Variants in RGS7 observed in about 807,000 individuals in gnomAD.
RGS7 encodes the protein regulator of G protein signaling 7.
RGS7 carries 27 observed loss-of-function variants against 81.1 expected under a neutral mutation model. The observed-to-expected ratio is 0.33, with a 90% CI of 0.25 to 0.46. The LOEUF (loss-of-function observed/expected upper bound fraction) is 0.46, where lower values mean the gene tolerates loss of function less well. Ranked by LOEUF, RGS7 falls within the 20% of genes least tolerant of loss-of-function variation. The probability of loss-of-function intolerance (pLI) is 1.00; values close to 1 mark genes in which losing one functional copy is unlikely to be tolerated. For synonymous variants in RGS7, 208 were observed against 207.7 expected (o/e 1.00, Z -0.01); for missense variants, 396 against 607.4 (o/e 0.65, Z 3.66).
chr1:241,173,802 A>G (rs1180092862), intron 2 of RGS7, among the ~76,000 whole-genome samples: 1 of 152,116 alleles, frequency 6.6e-6, no homozygotes, highest in African/African-American at 2.4e-5. Context: ...TAAAAAGAAA[A>G]TTACTAACCT....
At position 240,812,042 on chromosome 1, in the gene RGS7, T is replaced by C; in HGVS notation, c.958A>G (p.Lys320Glu). 6.2e-7 allele frequency: 1 copy of C among 1,614,194 alleles called. No individual in the cohort carries two copies. Among genetic ancestry groups the C allele is most frequent in the Non-Finnish European group, 8.5e-7 (1 of 1,180,034 alleles). Residue 320 changes from lysine (K) to glutamate (E), a missense_variant and splice_region_variant, in exon 14 of 19, where the codon AAA (lysine) becomes GAA (glutamate). Transcript: ENST00000440928. Reference protein sequence around the residue: ...DTTFWELEASKEPSQQRVKRW... With the variant: ...DTTFWELEASEEPSQQRVKRW... ...TTTACCCTCTGCTGGCTCGGTTCTTTGCTATAGAAGATAAAACAAAGGCAA... is the reference window on the plus strand; with the variant it reads ...TTTACCCTCTGCTGGCTCGGTTCTTCGCTATAGAAGATAAAACAAAGGCAA...
intron 2 of RGS7, among the ~76,000 whole-genome samples, chr1:241,148,051 CTTTTTTTT>C (rs58632066): frequency 9.2e-6 from 1 of 108,494 alleles, no homozygotes; most frequent in Admixed American, 1.1e-4. Context: ...TTTTCTTTTT[CTTTTTTTT>C]TTTTTTTTTT....
intron 4 of RGS7, 87 bp downstream of exon 4, chr1:240,982,992 C>A (rs1210179301): frequency 9.6e-6 from 7 of 732,840 alleles, no homozygotes; most frequent in Non-Finnish European, 1.7e-5. Flanking sequence ...GGTTTGCTTG[C>A]GTGCCATATT....
chr1:240,823,274 C>A, intron 10 of RGS7: 1 of 634,472 alleles, frequency 1.6e-6, no homozygotes, highest in Non-Finnish European at 2.9e-6. Context: ...TCTCCACTTC[C>A]GACACTGGCC....
chr1:241,182,287 C>A (rs1006134374), intron 2 of RGS7, among the ~76,000 whole-genome samples: 1 of 152,128 alleles, frequency 6.6e-6, no homozygotes. Context: ...ACAAAGCATG[C>A]CCCATAGGAC....
At chr1:241,249,519 G>A (rs963250008) in intron 2 of RGS7, among the ~76,000 whole-genome samples, 6 of 152,076 alleles carry the variant, frequency 3.9e-5, no homozygotes, top group East Asian at 1.9e-4. Context: ...TAACTTTGAC[G>A]TCTGTTTTCA....
chr1:241,354,483 T>G (rs1350398955), intron 2 of RGS7, among the ~76,000 whole-genome samples: 1 of 152,222 alleles, frequency 6.6e-6, no homozygotes, highest in Non-Finnish European at 1.5e-5. Flanking sequence ...TCGCCCAGGC[T>G]AGAGAATAAA....
intron 3 of RGS7, among the ~76,000 whole-genome samples, chr1:241,039,355 G>A (rs1420600308): frequency 4.6e-5 from 7 of 152,164 alleles, no homozygotes; most frequent in Admixed American, 3.3e-4. Flanking sequence ...ACCACAAGGC[G>A]CCATATCTCG....
At chr1:241,073,293 G>A (rs1422982238) in intron 3 of RGS7, among the ~76,000 whole-genome samples, 1 of 152,108 alleles carries the variant, frequency 6.6e-6, no homozygotes, top group Non-Finnish European at 1.5e-5. Flanking sequence ...GGGAAGAACG[G>A]GAGACTAACT....
intron 3 of RGS7, among the ~76,000 whole-genome samples, chr1:241,046,636 C>T (rs1416012897): frequency 1.3e-5 from 2 of 152,094 alleles, no homozygotes; most frequent in East Asian, 1.9e-4. Context: ...TACCAGTCAG[C>T]GATGATGAGT....
chr1:241,162,799 C>T (rs2069836433), intron 2 of RGS7, among the ~76,000 whole-genome samples: 1 of 152,108 alleles, frequency 6.6e-6, no homozygotes, highest in African/African-American at 2.4e-5. Flanking sequence ...AAAACTGAGT[C>T]TTAAAGTTAT....
chr1:241,095,790 GTCC>G (rs1248516454), intron 3 of RGS7, among the ~76,000 whole-genome samples: 1 of 152,138 alleles, frequency 6.6e-6, no homozygotes, highest in Non-Finnish European at 1.5e-5. Flanking sequence ...ACGGCTCAAT[GTCC>G]TCCTAGCTAT....
chr1:240,869,757 T>C (rs926520436), intron 7 of RGS7, among the ~76,000 whole-genome samples: 8 of 151,892 alleles, frequency 5.3e-5, no homozygotes, highest in African/African-American at 1.9e-4. Context: ...CTGGCCAACA[T>C]GACGAAACCC....
chr1:240,937,604 T>C (rs561707991), intron 4 of RGS7, among the ~76,000 whole-genome samples: 1 of 152,242 alleles, frequency 6.6e-6, no homozygotes, highest in Non-Finnish European at 1.5e-5. Context: ...TGTTGGCCCA[T>C]GTGATAATGT....
Position 241,125,633 on chromosome 1 carries a change from C to CA in RGS7, c.79-26872dup, listed in dbSNP as rs199654294. On this transcript the variant is annotated intron_variant, in intron 2 of 18. Transcript: ENST00000440928. ...AAAATTATCATGCCAGTTGCTAAAA[C>CA]AAAAAAAACACTCTCTTTTTCTAAA... Among the ~76,000 whole-genome samples the CA allele has an allele frequency of 2.5e-4, 38 of 150,404 alleles. No homozygotes were observed. The South Asian group carries it at 5.2e-3, about 21-fold the overall frequency.
At chr1:241,138,666 T>C (rs1306077909) in intron 2 of RGS7, among the ~76,000 whole-genome samples, 1 of 152,244 alleles carries the variant, frequency 6.6e-6, no homozygotes, top group Non-Finnish European at 1.5e-5. Flanking sequence ...GCTTATTGTC[T>C]ATATCCTCTG....
chr1:241,194,662 A>G (rs2072933837), intron 2 of RGS7, among the ~76,000 whole-genome samples: 2 of 152,368 alleles, frequency 1.3e-5, no homozygotes, highest in African/African-American at 4.8e-5. Flanking sequence ...ATTTTGCACC[A>G]ATTTCCTACT....
chr1:241,229,810 G>A (rs529595306), intron 2 of RGS7, among the ~76,000 whole-genome samples: 1 of 152,340 alleles, frequency 6.6e-6, no homozygotes, highest in Non-Finnish European at 1.5e-5. Context: ...CATTTTGCTA[G>A]TGCAAATCTT....
At chr1:240,976,868 C>CATCA (rs1553373305) in intron 4 of RGS7, among the ~76,000 whole-genome samples, 2 of 150,728 alleles carry the variant, frequency 1.3e-5, no homozygotes, top group Non-Finnish European at 2.9e-5. Flanking sequence ...TACCATCCAT[C>CATCA]ATCTATCTGT....
Sources: allele counts gnomAD v4.1 joint callset (sites outside exome capture counted in the v4.1 genomes callset), GRCh38; gene constraint gnomAD v4.1.1; transcripts MANE v1.5; gene names NCBI Gene and HGNC (gene_info 2026-07-23, HGNC 2026-07-21).